Variants in RAB11FIP3 observed in about 807,000 individuals in gnomAD.
RAB11FIP3 encodes RAB11 family interacting protein 3.
In RAB11FIP3, 17 loss-of-function variants were observed where a neutral mutation model predicts 77.8. The ratio of observed to expected loss-of-function variants is 0.22; its 90% CI spans 0.15 to 0.33. The LOEUF (loss-of-function observed/expected upper bound fraction) is 0.33, where lower values mean the gene tolerates loss of function less well. RAB11FIP3 is among the 10% of genes least tolerant of loss of function. The pLI, the probability that RAB11FIP3 is intolerant of heterozygous loss-of-function variation, is 1.00. For synonymous variants in RAB11FIP3, 437 were observed against 448.2 expected (o/e 0.98, Z 0.31); for missense variants, 1,005 against 1,011.2 (o/e 0.99, Z 0.08).
At position 426,198 on chromosome 16, in the gene RAB11FIP3, A is replaced by C; in HGVS notation, c.192A>C (p.Ala64=). The change falls in exon 1 of 14, where the codon GCA becomes GCC. Residue 64 remains alanine (A), a synonymous_variant. Coordinates refer to ENST00000262305, the MANE Select transcript of RAB11FIP3 (RefSeq NM_014700.4). The surrounding 1 kb of genome is among the most constrained non-coding windows in gnomAD (Gnocchi z 5.0). The part of the protein sequence containing the change: ...GLDEPAPGAA[A]DGGARWSAGP... ...ATGAGCCTGCGCCCGGGGCCGCTGC[A>C]GATGGCGGGGCGCGTTGGAGCGCCG... is the stretch of plus-strand genomic sequence containing the variant. The C allele has an allele frequency of 9.8e-7, 1 of 1,017,894 alleles. No homozygotes were observed. The highest frequency in any genetic ancestry group is 4.5e-5 in the South Asian group (1 of 22,452). The allele number at this position is 1,017,894 out of a possible 1,614,324, so 63.1% of individuals were successfully genotyped here.
chr16:465,895 G>A (rs1175342786), intron 2 of RAB11FIP3, among the ~76,000 whole-genome samples: 2 of 152,178 alleles, frequency 1.3e-5, no homozygotes, highest in Non-Finnish European at 1.5e-5. Context: ...GTGAGCCACC[G>A]CGCCCGGCCA....
At chr16:520,347 G>A (rs1015517960) in intron 12 of RAB11FIP3, 70 bp downstream of exon 12, 30 of 1,569,852 alleles carry the variant, frequency 1.9e-5, no homozygotes, top group African/African-American at 4.0e-5. Context: ...GGGAAGGGGG[G>A]GCCGTGGAGG....
chr16:432,675 G>C (rs542674673), intron 1 of RAB11FIP3, among the ~76,000 whole-genome samples: 3 of 147,588 alleles, frequency 2.0e-5, no homozygotes, highest in Non-Finnish European at 1.5e-5. Flanking sequence ...TCTCGGCTCA[G>C]TGCAGTCTCT....
intron 1 of RAB11FIP3, among the ~76,000 whole-genome samples, chr16:455,767 T>G (rs575480031): frequency 6.6e-6 from 1 of 152,158 alleles, no homozygotes; most frequent in African/African-American, 2.4e-5. Flanking sequence ...TTTTTGGAAT[T>G]TTTTGTAGAG....
At chr16:458,231 G>A (rs1406203653) in intron 1 of RAB11FIP3, among the ~76,000 whole-genome samples, 1 of 152,236 alleles carries the variant, frequency 6.6e-6, no homozygotes, top group Non-Finnish European at 1.5e-5. Flanking sequence ...TCTCTGGATT[G>A]CCTCCTGGGC....
At chr16:462,656 C>T (rs1321363996) in intron 2 of RAB11FIP3, among the ~76,000 whole-genome samples, 7 of 151,114 alleles carry the variant, frequency 4.6e-5, no homozygotes, top group Non-Finnish European at 1.0e-4. Flanking sequence ...CCATCCCTTC[C>T]GCAGCACCGT....
At chr16:488,799 G>C in intron 4 of RAB11FIP3, 52 bp from the exon 5 acceptor site, 2 of 1,584,036 alleles carry the variant, frequency 1.3e-6, no homozygotes, top group African/African-American at 1.3e-5. Flanking sequence ...CCCTCAGCTC[G>C]GGGGTGCCCT....
intron 9 of RAB11FIP3, among the ~76,000 whole-genome samples, chr16:518,275 C>A (rs2032510023): frequency 6.6e-6 from 1 of 152,182 alleles, no homozygotes; most frequent in Non-Finnish European, 1.5e-5. Flanking sequence ...AGATGGGGGT[C>A]TCACTATATT....
At chr16:509,398 A>G (rs559558555) in intron 8 of RAB11FIP3, among the ~76,000 whole-genome samples, 1 of 152,182 alleles carries the variant, frequency 6.6e-6, no homozygotes, top group African/African-American at 2.4e-5. Flanking sequence ...TGCTTTGGCC[A>G]CTTCCTGTTG....
At chr16:508,992 C>G (rs2032006560) in intron 8 of RAB11FIP3, among the ~76,000 whole-genome samples, 2 of 151,908 alleles carry the variant, frequency 1.3e-5, no homozygotes, top group African/African-American at 4.8e-5. Context: ...CAACCTCTGC[C>G]TCCTGGGTTC....
rs139288990 is a variant in RAB11FIP3 at position 471,358 on chromosome 16, C to T, written c.872C>T (p.Pro291Leu). The T allele has an allele frequency of 9.9e-6, 16 of 1,613,546 alleles. No individual in the cohort carries two copies. In the African/African-American group the frequency reaches 1.1e-4, roughly 11 times the overall value. Residue 291 changes from proline to leucine, a missense_variant, in exon 3 of 14, where the codon CCG becomes CTG. By Grantham distance (98) the Pro-to-Leu change is moderately conservative. Around this residue, in one of 4 missense-constraint regions of RAB11FIP3, gnomAD observed 466 missense variants for 408.3 expected, o/e 1.14. Coordinates refer to ENST00000262305, the MANE Select transcript of RAB11FIP3 (RefSeq NM_014700.4). The surrounding 1 kb of genome is among the most constrained non-coding windows in gnomAD (Gnocchi z 4.4). ...CAAGATGAGGAGCCCCTGGCCTGCC[C>T]GGACGAGTTCGATGACTTCGTCACC... ...SAQDEEPLACPDEFDDFVTYE... is the reference protein window; with the variant it reads ...SAQDEEPLACLDEFDDFVTYE...
intron 1 of RAB11FIP3, among the ~76,000 whole-genome samples, chr16:450,262 C>T (rs12926054): frequency 4.5e-4 from 68 of 152,086 alleles, no homozygotes; most frequent in Non-Finnish European, 8.1e-4. Flanking sequence ...CTCTGCCTCC[C>T]GGGCTCAAGC....
At position 425,811 on chromosome 16, in the gene RAB11FIP3, C is replaced by T; in HGVS notation, c.-196C>T. ...CCGCCATGGGCCTGCGCCCGCCGCG[C>T]CGCCGGGCCGAGGGCAGCTGAGGCG... On this transcript the variant is annotated 5_prime_UTR_variant, in exon 1 of 14. Coordinates refer to ENST00000262305, the MANE Select transcript of RAB11FIP3 (RefSeq NM_014700.4). The T allele has an allele frequency of 3.1e-6, 1 of 325,576 alleles. No homozygotes were observed. The highest frequency in any genetic ancestry group is 4.7e-5 in the East Asian group (1 of 21,074). 20.2% of individuals were successfully genotyped at this position (325,576 alleles called of 1,614,324 possible).
At chr16:485,610 A>C (rs143974324) in intron 4 of RAB11FIP3, among the ~76,000 whole-genome samples, 1 of 152,108 alleles carries the variant, frequency 6.6e-6, no homozygotes, top group South Asian at 2.1e-4. Flanking sequence ...ACAGTGTTTC[A>C]CCATCTTGCC....
chr16:502,448 G>A (rs56675278), intron 6 of RAB11FIP3, among the ~76,000 whole-genome samples: 12,688 of 152,164 alleles, frequency 0.083, 604 homozygotes, highest in African/African-American at 0.13. Context: ...TCCTGGACTC[G>A]GTCGGACCAG....
At chr16:483,164 C>T (rs564742049) in intron 4 of RAB11FIP3, among the ~76,000 whole-genome samples, 14 of 152,238 alleles carry the variant, frequency 9.2e-5, no homozygotes, top group Admixed American at 2.0e-4. Flanking sequence ...AGTAGAGGGA[C>T]GGGCAGAGTC....
Position 461,507 on chromosome 16 carries a change from C to T in RAB11FIP3, c.808+10C>T. 2 of 1,610,214 alleles carry T rather than the reference C, an allele frequency of 1.2e-6. No individual in the cohort carries two copies. The highest frequency in any genetic ancestry group is 1.7e-6 in the Non-Finnish European group (2 of 1,177,066). On this transcript the variant is annotated intron_variant, in intron 2 of 13. Coordinates refer to ENST00000262305, the MANE Select transcript of RAB11FIP3 (RefSeq NM_014700.4). This position sits in a 1 kb window ranked among gnomAD's most constrained non-coding sequence, Gnocchi z 4.5. ...GCCATCAGAAACGGAGGTCAGTCAT[C>T]CCCGCCATGAGCTCCCACCTCCTCT... is the stretch of plus-strand genomic sequence containing the variant.
In RAB11FIP3 at chr16:471,496, G is replaced by A. The variant is rs1302259967; in HGVS notation, c.903+107G>A. The A allele has an allele frequency of 9.9e-7, 1 of 1,014,230 alleles. No homozygotes were observed. The highest frequency in any genetic ancestry group is 1.5e-6 in the Non-Finnish European group (1 of 668,300). The allele number at this position is 1,014,230 out of a possible 1,614,324, so 62.8% of individuals were successfully genotyped here. A position where few individuals can be genotyped will look rare whatever the true frequency, so the allele number is the denominator to read the frequency against. The stretch of plus-strand genomic sequence containing the variant: ...TCCGGGCTGTCTTCCGTAGAAGCTG[G>A]CGTGAAGGAAGGGCCTCCCGCCCTG... On this transcript the variant is annotated intron_variant, in intron 3 of 13. Transcript: ENST00000262305. The surrounding 1 kb of genome is among the most constrained non-coding windows in gnomAD (Gnocchi z 4.4).
At chr16:475,071 G>C in intron 3 of RAB11FIP3, 1 of 1,551,542 alleles carries the variant, frequency 6.4e-7, no homozygotes, top group East Asian at 2.4e-5. Flanking sequence ...GGCCCAGCCT[G>C]TGAGGCCACC....
Sources: gnomAD v4.1 joint callset for allele counts (sites outside exome capture counted in the v4.1 genomes callset) on GRCh38, gnomAD v4.1.1 for gene constraint, gnomAD v4.1.1 regional missense constraint, Gnocchi (gnomAD v3.1) non-coding constraint, MANE v1.5 for transcripts, NCBI Gene and HGNC (gene_info 2026-07-23, HGNC 2026-07-21) for gene names.